FAM163A: variants seen among roughly 807,000 people sequenced by gnomAD.
FAM163A encodes the protein family with sequence similarity 163 member A, also known as protein FAM163A.
Under a neutral mutation model 12.0 loss-of-function variants are expected in FAM163A, and 7 were observed. That is an observed-to-expected ratio of 0.58 (90% CI 0.33 to 1.10). FAM163A has a LOEUF of 1.10. Among genes scored for constraint, FAM163A ranks in the 50% least tolerant of loss-of-function variants. The probability of loss-of-function intolerance (pLI) is 0.03; values close to 1 mark genes in which losing one functional copy is unlikely to be tolerated. For synonymous variants in FAM163A, 101 were observed against 91.0 expected (o/e 1.11, Z -0.62); for missense variants, 202 against 218.6 (o/e 0.92, Z 0.48).
intron 1 of FAM163A, among the ~76,000 whole-genome samples, chr1:179,750,224 A>G (rs552593711): frequency 6.6e-6 from 1 of 152,368 alleles, no homozygotes; most frequent in South Asian, 2.1e-4. Flanking sequence ...CACTGGAGAT[A>G]CAATGTTGGA....
intron 1 of FAM163A, among the ~76,000 whole-genome samples, chr1:179,784,715 G>A (rs530494050): frequency 1.4e-3 from 208 of 152,252 alleles, no homozygotes; most frequent in African/African-American, 4.4e-3. Flanking sequence ...TATATGCCCC[G>A]AAAAGAAAAA....
Position 179,803,126 on chromosome 1 carries a change from C to T in FAM163A, c.-135-4672C>T, listed in dbSNP as rs144909348. 3.4e-3 allele frequency among the ~76,000 whole-genome samples: 513 copies of T among 152,236 alleles called. 4 individuals carry two copies. Among genetic ancestry groups the T allele is most frequent in the Middle Eastern group, 0.014 (4 of 294 alleles). ...TCTTCCAGCCTTGCCTGAGGATTGCCGTCCAGGAAGACAGGTAACAGGGAA... is the reference window on the plus strand; with the variant it reads ...TCTTCCAGCCTTGCCTGAGGATTGCTGTCCAGGAAGACAGGTAACAGGGAA... On this transcript the variant is annotated intron_variant, in intron 1 of 4. Transcript: ENST00000341785.
intron 1 of FAM163A, among the ~76,000 whole-genome samples, chr1:179,770,213 C>A (rs566346253): frequency 6.6e-6 from 1 of 152,166 alleles, no homozygotes; most frequent in Non-Finnish European, 1.5e-5. Context: ...CCTCTTTCAT[C>A]CCTAATTCTT....
At chr1:179,744,074 A>G (rs1445462404) in intron 1 of FAM163A, among the ~76,000 whole-genome samples, 1 of 152,022 alleles carries the variant, frequency 6.6e-6, no homozygotes, top group Non-Finnish European at 1.5e-5. Context: ...AGTTTTACAA[A>G]ATAAAGAGGG....
At chr1:179,787,826 G>A (rs1690868313) in intron 1 of FAM163A, among the ~76,000 whole-genome samples, 1 of 152,150 alleles carries the variant, frequency 6.6e-6, no homozygotes, top group African/African-American at 2.4e-5. Flanking sequence ...GGTGGAGATT[G>A]GCAGTGCCCA....
chr1:179,780,918 G>T (rs938548039), intron 1 of FAM163A, among the ~76,000 whole-genome samples: 1 of 152,122 alleles, frequency 6.6e-6, no homozygotes, highest in Admixed American at 6.6e-5. Flanking sequence ...CAGGACAGAG[G>T]GCATTTGCTG....
chr1:179,738,514 C>G (rs193252719), upstream of FAM163A, among the ~76,000 whole-genome samples: 1 of 152,092 alleles, frequency 6.6e-6, no homozygotes, highest in Non-Finnish European at 1.5e-5. Flanking sequence ...AAGATTTATA[C>G]ACTTTGACCA....
At chr1:179,754,069 A>C (rs2148002647) in intron 1 of FAM163A, among the ~76,000 whole-genome samples, 1 of 152,294 alleles carries the variant, frequency 6.6e-6, no homozygotes, top group East Asian at 1.9e-4. Flanking sequence ...ATACCTCAGA[A>C]GCGGAAGGAC....
intron 1 of FAM163A, among the ~76,000 whole-genome samples, chr1:179,793,021 A>G (rs1230328961): frequency 6.6e-6 from 1 of 152,266 alleles, no homozygotes; most frequent in East Asian, 1.9e-4. Flanking sequence ...TCATGAAAAA[A>G]AAAAGGCATG....
chr1:179,775,172 G>A (rs1244957187), intron 1 of FAM163A, among the ~76,000 whole-genome samples: 1 of 152,168 alleles, frequency 6.6e-6, no homozygotes, highest in Non-Finnish European at 1.5e-5. Flanking sequence ...TCATGTAAAT[G>A]AAGTGGTGGC....
intron 1 of FAM163A, among the ~76,000 whole-genome samples, chr1:179,778,279 C>A (rs1364035944): frequency 2.0e-5 from 3 of 152,142 alleles, no homozygotes; most frequent in East Asian, 1.9e-4. Context: ...CACCCCATAT[C>A]CCTGACTCCA....
chr1:179,748,232 A>G (rs1358446493), intron 1 of FAM163A, among the ~76,000 whole-genome samples: 1 of 152,172 alleles, frequency 6.6e-6, no homozygotes, highest in Non-Finnish European at 1.5e-5. Flanking sequence ...TTCCACTTCA[A>G]AAGGAAACAG....
At chr1:179,739,122 AAGG>A (rs1683334989), upstream of FAM163A, among the ~76,000 whole-genome samples, 1 of 152,244 alleles carries the variant, frequency 6.6e-6, no homozygotes, top group East Asian at 1.9e-4. Context: ...GAAGGAGAAG[AAGG>A]AGAAGGAGAA....
At chr1:179,791,701 TATC>T (rs1287060956) in intron 1 of FAM163A, among the ~76,000 whole-genome samples, 2 of 152,218 alleles carry the variant, frequency 1.3e-5, no homozygotes, top group African/African-American at 2.4e-5. Flanking sequence ...TATTTAGACA[TATC>T]ATCTGTGGCC....
chr1:179,741,222 G>C (rs1035035391), upstream of FAM163A, among the ~76,000 whole-genome samples: 1 of 152,200 alleles, frequency 6.6e-6, no homozygotes, highest in Non-Finnish European at 1.5e-5. Context: ...ATGAAACGAA[G>C]ATCACAGTGA....
At chr1:179,791,478 T>A (rs772658389) in intron 1 of FAM163A, among the ~76,000 whole-genome samples, 25 of 152,250 alleles carry the variant, frequency 1.6e-4, no homozygotes, top group South Asian at 1.0e-3. Flanking sequence ...ATGGAACCTG[T>A]ACAATTAGAG....
Position 179,815,148 on chromosome 1 carries a change from CACAG to C in FAM163A, c.*960_*963del, listed in dbSNP as rs1695215438. On this transcript the variant is annotated 3_prime_UTR_variant, in exon 5 of 5. Transcript: ENST00000341785. ...ACACACACACACACACACACACACA[CACAG>C]TAACCACGGGTAGGCACCAGGGGCT... 1.3e-5 allele frequency: 2 copies of C among 149,472 alleles called. No individual in the cohort carries two copies. Among genetic ancestry groups the C allele is most frequent in the African/African-American group, 4.9e-5 (2 of 40,988 alleles). 9.3% of individuals were successfully genotyped at this position (149,472 alleles called of 1,614,324 possible).
chr1:179,770,622 C>G (rs541722553), intron 1 of FAM163A, among the ~76,000 whole-genome samples: 1 of 152,256 alleles, frequency 6.6e-6, no homozygotes, highest in South Asian at 2.1e-4. Context: ...GCACCATGCT[C>G]TTTCTCATTT....
intron 3 of FAM163A, among the ~76,000 whole-genome samples, chr1:179,812,829 A>G (rs1694883952): frequency 1.3e-5 from 2 of 152,172 alleles, no homozygotes; most frequent in Admixed American, 6.5e-5. Flanking sequence ...AGGCGAGAAG[A>G]GCACCAAAGG....
Sources: gnomAD v4.1 joint callset for allele counts (sites outside exome capture counted in the v4.1 genomes callset) on GRCh38, gnomAD v4.1.1 for gene constraint, MANE v1.5 for transcripts, NCBI Gene and HGNC (gene_info 2026-07-23, HGNC 2026-07-21) for gene names.